ZNF644: variants seen among roughly 807,000 people sequenced by gnomAD.
ZNF644 encodes zinc finger protein 644.
ZNF644 carries 20 observed loss-of-function variants against 108.0 expected under a neutral mutation model. The ratio of observed to expected loss-of-function variants is 0.19; its 90% confidence interval spans 0.13 to 0.27. ZNF644 has a LOEUF of 0.27. ZNF644 is among the 10% of genes least tolerant of loss of function. The pLI is 1.00. For missense variants in ZNF644, 1,338 were observed against 1,548.9 expected (o/e 0.86, Z 2.29); for synonymous variants, 542 against 539.1 (o/e 1.01, Z -0.08).
chr1:90,937,534 A>G lies in ZNF644; in HGVS notation c.3639T>C (p.Asp1213=). The part of the protein sequence containing the change: ...VQKCVLPLNE[D]SPLMYQPQKM... Reference sequence around the variant, plus strand: ...TTTGTGGCTGATACATCAACGGACTATCCTCATTTAATGGAAGAACGCATT... The same window carrying G: ...TTTGTGGCTGATACATCAACGGACTGTCCTCATTTAATGGAAGAACGCATT... The change falls in exon 4 of 6, where the codon GAT becomes GAC. Residue 1213 remains aspartate (D), a synonymous_variant. Coordinates refer to ENST00000337393, the MANE Select transcript of ZNF644 (RefSeq NM_201269.3). 6.2e-7 allele frequency: 1 copy of G among 1,613,884 alleles called. No individual in the cohort carries two copies. Among genetic ancestry groups the G allele is most frequent in the Non-Finnish European group, 8.5e-7 (1 of 1,179,782 alleles).
chr1:90,938,828 T>C lies in ZNF644; in HGVS notation c.2526A>G (p.Gln842=), dbSNP rs377281315. ...CTTTCTTTTCAGCAGAATTAAGTTT[T>C]TGCAAAACGACAACAGTCATTTTAT... ...FLHKMTVVVL[Q]KLNSAEKKDS... is the part of the protein sequence containing the mutation. Residue 842 remains glutamine (Q), a synonymous_variant, in exon 3 of 6, where the codon CAA becomes CAG. Transcript: ENST00000337393. This position sits in a 1 kb window ranked among gnomAD's most constrained non-coding sequence, Gnocchi z 4.2. 1.9e-6 allele frequency: 3 copies of C among 1,613,754 alleles called. No individual in the cohort carries two copies. The African/African-American group carries it at 4.0e-5, about 22-fold the overall frequency.
intron 2 of ZNF644, among the ~76,000 whole-genome samples, chr1:90,955,643 C>T (rs1653681591): frequency 6.6e-6 from 1 of 152,216 alleles, no homozygotes; most frequent in African/African-American, 2.4e-5. Context: ...GAAACTTCCT[C>T]ACCTCTCTTG....
In ZNF644 at chr1:91,013,457, A is replaced by T. The variant is rs1436124021; in HGVS notation, c.-18+8533T>A. Among the ~76,000 whole-genome samples the T allele has an allele frequency of 7.5e-3, 484 of 64,750 alleles. 2 individuals carry two copies. Among genetic ancestry groups the T allele is most frequent in the Middle Eastern group, 0.015 (2 of 136 alleles). 42.5% of individuals were successfully genotyped at this position (64,750 alleles called of 152,430 possible). ...TATATTTCCAATCTCTCTCTCACAC[A>T]CACACACACACACACACACACACAC... On this transcript the variant is annotated intron_variant, in intron 1 of 5. Transcript: ENST00000337393.
chr1:90,990,941 G>A (rs575244906), intron 1 of ZNF644, among the ~76,000 whole-genome samples: 11 of 152,282 alleles, frequency 7.2e-5, no homozygotes, highest in African/African-American at 2.2e-4. Flanking sequence ...GGCACCAGGA[G>A]AACTTTTGCG....
chr1:91,019,393 C>G (rs1474936277), intron 1 of ZNF644, among the ~76,000 whole-genome samples: 1 of 152,148 alleles, frequency 6.6e-6, no homozygotes, highest in African/African-American at 2.4e-5. Context: ...AGAAATTTAT[C>G]AAGTCCCTGG....
At chr1:91,004,947 T>C (rs567424523) in intron 1 of ZNF644, among the ~76,000 whole-genome samples, 2 of 151,862 alleles carry the variant, frequency 1.3e-5, no homozygotes, top group Admixed American at 6.6e-5. Flanking sequence ...ATGAGACACA[T>C]AGAAAACAAA....
At chr1:91,016,339 C>T (rs980529230) in intron 1 of ZNF644, among the ~76,000 whole-genome samples, 3 of 152,186 alleles carry the variant, frequency 2.0e-5, no homozygotes, top group African/African-American at 7.2e-5. Context: ...AATTTGGTCA[C>T]TGTGCAAACA....
chr1:90,995,286 A>C (rs1658043506), intron 1 of ZNF644, among the ~76,000 whole-genome samples: 1 of 152,202 alleles, frequency 6.6e-6, no homozygotes, highest in Admixed American at 6.5e-5. Flanking sequence ...AAGATTAGAG[A>C]TAGCAGAAGA....
chr1:90,986,678 G>A (rs752672818), intron 1 of ZNF644, among the ~76,000 whole-genome samples: 2 of 151,884 alleles, frequency 1.3e-5, no homozygotes, highest in Non-Finnish European at 2.9e-5. Flanking sequence ...ATGCTGAAGA[G>A]ACATGAACAT....
chr1:91,008,723 G>C (rs1173861663), intron 1 of ZNF644, among the ~76,000 whole-genome samples: 1 of 152,098 alleles, frequency 6.6e-6, no homozygotes, highest in Non-Finnish European at 1.5e-5. Context: ...CAGATAACTT[G>C]GACAAAGTCA....
intron 1 of ZNF644, among the ~76,000 whole-genome samples, chr1:90,999,100 C>G (rs1377659997): frequency 6.6e-6 from 1 of 152,160 alleles, no homozygotes; most frequent in Non-Finnish European, 1.5e-5. Context: ...AAGAATGAAA[C>G]CAAGTAGGAA....
chr1:90,949,567 T>C (rs949504766), intron 2 of ZNF644, among the ~76,000 whole-genome samples: 1 of 152,064 alleles, frequency 6.6e-6, no homozygotes, highest in African/African-American at 2.4e-5. Context: ...TTTTGCATCC[T>C]CAGATTCAAC....
Position 90,938,718 on chromosome 1 carries a change from T to C in ZNF644, c.2636A>G (p.Tyr879Cys), listed in dbSNP as rs769610147. 6.2e-7 allele frequency: 1 copy of C among 1,613,922 alleles called. No homozygotes were observed. Among genetic ancestry groups the C allele is most frequent in the Non-Finnish European group, 8.5e-7 (1 of 1,179,912 alleles). The change falls in exon 3 of 6, where the codon TAT becomes TGT. Residue 879 changes from tyrosine to cysteine, a missense_variant. Coordinates refer to ENST00000337393, the MANE Select transcript of ZNF644 (RefSeq NM_201269.3). The surrounding 1 kb of genome is among the most constrained non-coding windows in gnomAD (Gnocchi z 4.2). ...TACATGCTCTTGATTAATATCACTATAGGTTTCATCTTCTATGGCCTGTGT... is the reference window on the plus strand; with the variant it reads ...TACATGCTCTTGATTAATATCACTACAGGTTTCATCTTCTATGGCCTGTGT... Reference protein sequence around the residue: ...YTTQAIEDETYSDINQEHVNL... With the variant: ...YTTQAIEDETCSDINQEHVNL...
chr1:90,973,685 A>G (rs2101346781), intron 2 of ZNF644, among the ~76,000 whole-genome samples: 1 of 152,228 alleles, frequency 6.6e-6, no homozygotes, highest in African/African-American at 2.4e-5. Context: ...TAAGGTAACC[A>G]CGATTTTTGT....
At chr1:91,003,119 G>A (rs1349064838) in intron 1 of ZNF644, among the ~76,000 whole-genome samples, 2 of 152,216 alleles carry the variant, frequency 1.3e-5, no homozygotes, top group African/African-American at 2.4e-5. Context: ...GGAAGACAGC[G>A]TGGTGATTCC....
rs148111132 is a variant in ZNF644 at position 90,940,449 on chromosome 1, C to T, written c.905G>A (p.Arg302His). The T allele has an allele frequency of 1.1e-4, 172 of 1,613,478 alleles. No individual in the cohort carries two copies. In the African/African-American group the frequency reaches 1.7e-3, roughly 16 times the overall value. The change falls in exon 3 of 6, where the codon CGT becomes CAT. Residue 302 changes from arginine to histidine, a missense_variant. Transcript: ENST00000337393. ...KRKMDVSKIT[R>H]YTEDCFSDSN... is the part of the protein sequence containing the mutation. ...ATCACTAAAGCAATCCTCGGTATAACGAGTTATCTTGCTTACATCCATTTT... is the reference window on the plus strand; with the variant it reads ...ATCACTAAAGCAATCCTCGGTATAATGAGTTATCTTGCTTACATCCATTTT...
chr1:90,962,506 G>T (rs1382114396), intron 2 of ZNF644, among the ~76,000 whole-genome samples: 1 of 152,064 alleles, frequency 6.6e-6, no homozygotes, highest in African/African-American at 2.4e-5. Context: ...GTTCTAGATA[G>T]AAGGTAGATC....
intron 1 of ZNF644, among the ~76,000 whole-genome samples, chr1:91,014,581 A>G (rs1316115344): frequency 6.6e-6 from 1 of 152,188 alleles, no homozygotes; most frequent in East Asian, 1.9e-4. Context: ...CAAATCCCAT[A>G]AAGTATTAGT....
At chr1:90,964,284 C>T (rs908082887) in intron 2 of ZNF644, among the ~76,000 whole-genome samples, 10 of 151,878 alleles carry the variant, frequency 6.6e-5, no homozygotes, top group Non-Finnish European at 1.3e-4. Context: ...TCTTGGAAAA[C>T]ATTAATTACT....
Sources: allele counts gnomAD v4.1 joint callset (sites outside exome capture counted in the v4.1 genomes callset), GRCh38; gene constraint gnomAD v4.1.1; non-coding constraint Gnocchi (gnomAD v3.1); transcripts MANE v1.5; gene names NCBI Gene and HGNC (gene_info 2026-07-23, HGNC 2026-07-21).